ADGRV1: variants seen among roughly 807,000 people sequenced by gnomAD.
The protein encoded by ADGRV1 is G-protein coupled receptor 98.
In ADGRV1, 359 loss-of-function variants were observed where a neutral mutation model predicts 596.2. The observed-to-expected ratio is 0.60, with a 90% CI of 0.55 to 0.66. ADGRV1 has a LOEUF of 0.66. Among genes scored for constraint, ADGRV1 ranks in the 30% least tolerant of loss-of-function variants. ADGRV1 has a pLI of 0.00. For synonymous variants in ADGRV1, 2,681 were observed against 2,679.2 expected (o/e 1.00, Z -0.02); for missense variants, 7,274 against 7,575.6 (o/e 0.96, Z 1.48).
chr5:91,085,437 G>A (rs567465031), intron 86 of ADGRV1, among the ~76,000 whole-genome samples: 13 of 152,200 alleles, frequency 8.5e-5, no homozygotes, highest in Non-Finnish European at 1.5e-4. Flanking sequence ...AGTCTTAAGC[G>A]ATCTTTGAAA....
chr5:90,778,606 G>A lies in ADGRV1; in HGVS notation c.12846G>A (p.Gln4282=). The part of the protein sequence containing the change: ...SHEQLRVSEA[Q]RVNITIIRSS... The stretch of plus-strand genomic sequence containing the variant: ...AGCAACTTCGAGTGTCAGAAGCACA[G>A]AGGGTATAGTATGAAATGCTTAAGA... Residue 4282 remains glutamine (Q), a synonymous_variant, in exon 63 of 90, where the codon CAG becomes CAA. Transcript: ENST00000405460. The A allele has an allele frequency of 1.3e-6, 2 of 1,588,052 alleles. No individual in the cohort carries two copies. Among genetic ancestry groups the A allele is most frequent in the Non-Finnish European group, 1.7e-6 (2 of 1,167,938 alleles).
chr5:90,729,003 T>A, intron 49 of ADGRV1, 70 bp downstream of exon 49: 1 of 1,068,016 alleles, frequency 9.4e-7, no homozygotes, highest in Non-Finnish European at 1.3e-6. Flanking sequence ...TGGTATATTT[T>A]ATATGAAAAT....
intron 70 of ADGRV1, 60 bp downstream of exon 70, chr5:90,791,406 T>C (rs1394116278): frequency 8.3e-7 from 1 of 1,207,540 alleles, no homozygotes; most frequent in Non-Finnish European, 1.1e-6. Context: ...GGAGTGCCCA[T>C]GCTTACCTCA....
intron 87 of ADGRV1, among the ~76,000 whole-genome samples, chr5:91,149,657 C>T (rs1288846046): frequency 2.6e-5 from 4 of 151,644 alleles, no homozygotes; most frequent in African/African-American, 9.7e-5. Flanking sequence ...CATGATGAAA[C>T]CCCCGTCTCT....
At chr5:90,863,951 C>T in intron 83 of ADGRV1, 94 bp downstream of exon 83, 1 of 793,586 alleles carries the variant, frequency 1.3e-6, no homozygotes, top group South Asian at 1.7e-5. Flanking sequence ...AGTTTAATCT[C>T]AACTTAGTTG....
At chr5:90,874,935 A>G (rs1769089216) in intron 83 of ADGRV1, among the ~76,000 whole-genome samples, 1 of 152,240 alleles carries the variant, frequency 6.6e-6, no homozygotes. Context: ...GCTTTCTTAT[A>G]AAGAGCATTC....
chr5:90,819,898 T>G (rs1484231998), intron 75 of ADGRV1, among the ~76,000 whole-genome samples: 4 of 152,036 alleles, frequency 2.6e-5, no homozygotes, highest in Admixed American at 6.5e-5. Context: ...TTCTGTTGAT[T>G]TGGGGTGGAG....
intron 83 of ADGRV1, among the ~76,000 whole-genome samples, chr5:90,950,522 C>T (rs1282755034): frequency 2.0e-5 from 3 of 151,978 alleles, no homozygotes; most frequent in African/African-American, 7.2e-5. Context: ...GGATTTTGCC[C>T]TGTTGGTCAG....
Position 90,781,106 on chromosome 5 carries a change from C to T in ADGRV1, c.13083-324C>T, listed in dbSNP as rs962010050. The stretch of plus-strand genomic sequence containing the variant: ...ATTACTGTATATGTATGTATTCAGC[C>T]GTGATTCCCAAAGGTTCATTTTATG... On this transcript the variant is annotated intron_variant, in intron 64 of 89. Coordinates refer to ENST00000405460, the MANE Select transcript of ADGRV1 (RefSeq NM_032119.4). The T allele has an allele frequency of 6.0e-5, 22 of 365,404 alleles. No homozygotes were observed. The East Asian group carries it at 1.1e-3, about 18-fold the overall frequency. The allele number at this position is 365,404 out of a possible 1,614,324, so 22.6% of individuals were successfully genotyped here.
chr5:91,115,131 T>C (rs1319485816), intron 87 of ADGRV1, among the ~76,000 whole-genome samples: 1 of 152,222 alleles, frequency 6.6e-6, no homozygotes, highest in Admixed American at 6.5e-5. Flanking sequence ...TCAACTCATT[T>C]TGTTATTGTT....
chr5:90,707,535 TATAAC>T (rs1748764771), intron 38 of ADGRV1, among the ~76,000 whole-genome samples: 1 of 152,188 alleles, frequency 6.6e-6, no homozygotes. Flanking sequence ...TGTGACCTAA[TATAAC>T]AGTATAAAAA....
intron 85 of ADGRV1, among the ~76,000 whole-genome samples, chr5:91,028,304 G>A (rs1028500332): frequency 5.3e-5 from 8 of 151,958 alleles, no homozygotes; most frequent in Non-Finnish European, 7.4e-5. Context: ...ACCTGACCCC[G>A]TAGGAGCAAA....
chr5:90,597,226 G>T (rs1340817751), intron 1 of ADGRV1, among the ~76,000 whole-genome samples: 1 of 152,214 alleles, frequency 6.6e-6, no homozygotes, highest in Admixed American at 6.5e-5. Context: ...AGGTAGCTCA[G>T]TGGAAGTGTT....
intron 85 of ADGRV1, among the ~76,000 whole-genome samples, chr5:90,992,570 AC>A (rs1781060981): frequency 6.6e-6 from 1 of 152,184 alleles, no homozygotes; most frequent in Admixed American, 6.5e-5. Flanking sequence ...TTGCTGACAA[AC>A]ATTCTTTCAC....
rs55761821 is a variant in ADGRV1, at chr5:90,722,716, C to CAAAAAAAAAAAAAAAAAAA, written c.9748+1679_9748+1697dup. On this transcript the variant is annotated intron_variant, in intron 45 of 89. Coordinates refer to ENST00000405460, the MANE Select transcript of ADGRV1 (RefSeq NM_032119.4). ...GGCAACAAGAGCAAAAACTCCGTCT[C>CAAAAAAAAAAAAAAAAAAA]AAAAAAAAAAAAAAAAAAAAAAAAA... 1.2e-4 allele frequency among the ~76,000 whole-genome samples: 4 copies of CAAAAAAAAAAAAAAAAAAA among 32,900 alleles called. 1 individual carries two copies. Among genetic ancestry groups the CAAAAAAAAAAAAAAAAAAA allele is most frequent in the African/African-American group, 4.9e-4 (4 of 8,126 alleles). The allele number at this position is 32,900 out of a possible 152,430, so 21.6% of individuals were successfully genotyped here. A position where few individuals can be genotyped will look rare whatever the true frequency, so the allele number is the denominator to read the frequency against.
chr5:90,896,702 A>G (rs1417666929), intron 83 of ADGRV1, among the ~76,000 whole-genome samples: 1 of 152,216 alleles, frequency 6.6e-6, no homozygotes. Flanking sequence ...CCTGACAGCT[A>G]TGCTTTATTA....
intron 87 of ADGRV1, among the ~76,000 whole-genome samples, chr5:91,134,391 G>A (rs1158543345): frequency 6.6e-6 from 1 of 152,010 alleles, no homozygotes; most frequent in African/African-American, 2.4e-5. Context: ...GTTTCACCAT[G>A]TTGCCCATGC....
At position 90,840,706 on chromosome 5, in the gene ADGRV1, C is replaced by T; in HGVS notation, c.16740C>T (p.Ile5580=). Residue 5580 remains isoleucine, a synonymous_variant, in exon 78 of 90, where the codon ATC becomes ATT. Transcript: ENST00000405460. Reference sequence around the variant, plus strand: ...AGAGAAGCACTGTATTGGATGTCATCCTAACGCCAGAGACAGGATCTTTAA... The same window carrying T: ...AGAGAAGCACTGTATTGGATGTCATTCTAACGCCAGAGACAGGATCTTTAA... The part of the protein sequence containing the change: ...PGQRSTVLDV[I]LTPETGSLNS... The T allele has an allele frequency of 6.2e-7, 1 of 1,613,978 alleles. No homozygotes were observed. Among genetic ancestry groups the T allele is most frequent in the Non-Finnish European group, 8.5e-7 (1 of 1,179,888 alleles).
At chr5:90,976,322 G>GTGTATATATATATA (rs1420288881) in intron 84 of ADGRV1, among the ~76,000 whole-genome samples, 99 of 108,590 alleles carry the variant, frequency 9.1e-4, no homozygotes, top group African/African-American at 3.6e-3. Context: ...GTGTGTGTGT[G>GTGTATATATATATA]TATATATATA....
Sources: gnomAD v4.1 joint callset for allele counts (sites outside exome capture counted in the v4.1 genomes callset) on GRCh38, gnomAD v4.1.1 for gene constraint, MANE v1.5 for transcripts, NCBI Gene and HGNC (gene_info 2026-07-23, HGNC 2026-07-21) for gene names.